Variants in ZFP64 observed in about 807,000 individuals in gnomAD.
The protein encoded by ZFP64 is zinc finger protein 64.
ZFP64 carries 14 observed loss-of-function variants against 51.6 expected under a neutral mutation model. The ratio of observed to expected loss-of-function variants is 0.27; its 90% CI spans 0.18 to 0.42. The LOEUF is 0.42. Ranked by LOEUF, ZFP64 falls within the 10% of genes least tolerant of loss-of-function variation. ZFP64 has a pLI of 1.00. For missense variants in ZFP64, 754 were observed against 906.8 expected (o/e 0.83, Z 2.16); for synonymous variants, 375 against 361.4 (o/e 1.04, Z -0.43).
At chr20:52,131,378 A>G (rs1261806882) in intron 5 of ZFP64, among the ~76,000 whole-genome samples, 2 of 152,222 alleles carry the variant, frequency 1.3e-5, no homozygotes, top group East Asian at 1.9e-4. Context: ...CTTAACAATA[A>G]TATAACATTG....
intron 5 of ZFP64, among the ~76,000 whole-genome samples, chr20:52,133,610 A>C (rs778653501): frequency 1.7e-4 from 26 of 152,228 alleles, no homozygotes; most frequent in Non-Finnish European, 1.0e-4. Context: ...TATCATTTAC[A>C]ATAGCCACAC....
chr20:52,144,703 C>T (rs996865150), intron 5 of ZFP64, among the ~76,000 whole-genome samples: 3 of 150,822 alleles, frequency 2.0e-5, no homozygotes, highest in Admixed American at 6.6e-5. Flanking sequence ...TAAGTAAACC[C>T]TTAGCATACT....
chr20:52,150,797 G>A (rs1412957231), downstream of ZFP64, among the ~76,000 whole-genome samples: 1 of 152,120 alleles, frequency 6.6e-6, no homozygotes, highest in Non-Finnish European at 1.5e-5. Flanking sequence ...TTACAGAATG[G>A]CTTAAGGTAC....
chr20:52,157,485 A>G (rs998654579), intron 5 of ZFP64, among the ~76,000 whole-genome samples: 4 of 152,152 alleles, frequency 2.6e-5, no homozygotes, highest in Non-Finnish European at 4.4e-5. Context: ...CTTTTTCAGA[A>G]GTAGCTTAGG....
chr20:52,168,010 CTT>C (rs1982423776), intron 2 of ZFP64, among the ~76,000 whole-genome samples: 1 of 152,140 alleles, frequency 6.6e-6, no homozygotes, highest in African/African-American at 2.4e-5. Context: ...TATGACAACT[CTT>C]TCTTTTTTTA....
chr20:52,190,711 T>C (rs1174598890), intron 1 of ZFP64, among the ~76,000 whole-genome samples: 1 of 152,134 alleles, frequency 6.6e-6, no homozygotes. Context: ...ATGCAAGGAA[T>C]ACACCGCCAA....
At chr20:52,173,101 C>G (rs186513923) in intron 2 of ZFP64, among the ~76,000 whole-genome samples, 1 of 152,134 alleles carries the variant, frequency 6.6e-6, no homozygotes, top group African/African-American at 2.4e-5. Context: ...TCCTTTTCTA[C>G]CAAATTGCCT....
chr20:52,101,581 T>G, intron 5 of ZFP64, among the ~76,000 whole-genome samples: 1 of 152,216 alleles, frequency 6.6e-6, no homozygotes, highest in East Asian at 1.9e-4. Context: ...TTTTGTAGTT[T>G]TGTTTTTATA....
In ZFP64 at chr20:52,131,200, G is replaced by A. The variant is rs577425701; in HGVS notation, c.763+28923C>T. ...AAAAGAAAGGGAGGAGGGAAGGAAA[G>A]GAAAGAAGAAAAAGAAGAAAGGAAA... is the stretch of plus-strand genomic sequence containing the variant. On this transcript the variant is annotated intron_variant, in intron 5 of 8. Coordinates refer to the ZFP64 transcript ENST00000361387. 4.7e-5 allele frequency among the ~76,000 whole-genome samples: 7 copies of A among 147,464 alleles called. No homozygotes were observed. In the South Asian group the frequency reaches 1.5e-3, roughly 32 times the overall value.
At chr20:52,150,024 T>C (rs999787127), downstream of ZFP64, among the ~76,000 whole-genome samples, 8 of 152,042 alleles carry the variant, frequency 5.3e-5, no homozygotes, top group Admixed American at 1.3e-4. Context: ...CTGGCTACGG[T>C]GAAACCCTGT....
rs1041180122 is a variant in ZFP64, at chr20:52,191,476, T to C, written c.46+115A>G. 3 of 1,270,544 alleles carry C rather than the reference T, an allele frequency of 2.4e-6. No individual in the cohort carries two copies. The highest frequency in any genetic ancestry group is 3.0e-6 in the Non-Finnish European group (3 of 986,208). The allele number at this position is 1,270,544 out of a possible 1,614,324, so 78.7% of individuals were successfully genotyped here. A position where few individuals can be genotyped will look rare whatever the true frequency, so the allele number is the denominator to read the frequency against. ...GTCCCCGAGACGCGGCTCCGAGCCG[T>C]CACCCCGATTTCGGGGCCCCGGGCC... On this transcript the variant is annotated intron_variant, in intron 1 of 5. Transcript: ENST00000216923. The surrounding 1 kb of genome is among the most constrained non-coding windows in gnomAD (Gnocchi z 4.3).
chr20:52,191,276 T>C lies in ZFP64; in HGVS notation c.46+315A>G, dbSNP rs1368445597. Among the ~76,000 whole-genome samples the C allele has an allele frequency of 6.6e-6, 1 of 152,142 alleles. No homozygotes were observed. The highest frequency in any genetic ancestry group is 2.4e-5 in the African/African-American group (1 of 41,448). ...TCTCCTGCCCGCCCCAAACTCCGCC[T>C]GATGGGGCGGGAATGCCCTTAGGGG... is the stretch of plus-strand genomic sequence containing the variant. On this transcript the variant is annotated intron_variant, in intron 1 of 5. Transcript: ENST00000216923. This position sits in a 1 kb window ranked among gnomAD's most constrained non-coding sequence, Gnocchi z 4.3.
intron 5 of ZFP64, among the ~76,000 whole-genome samples, chr20:52,102,480 A>C (rs2079063641): frequency 6.6e-6 from 1 of 152,186 alleles, no homozygotes; most frequent in African/African-American, 2.4e-5. Context: ...GGAAGTTTTC[A>C]GCTCATTGGA....
At chr20:52,096,827 C>T (rs540050377) in intron 7 of ZFP64, 9 of 256,868 alleles carry the variant, frequency 3.5e-5, no homozygotes, top group African/African-American at 1.5e-4. Context: ...AGGCAGGGGT[C>T]GCAATGAACT....
rs1003954895 is a variant in ZFP64 at position 52,191,274 on chromosome 20, C to T, written c.46+317G>A. On this transcript the variant is annotated intron_variant, in intron 1 of 5. Coordinates refer to ENST00000216923, the MANE Select transcript of ZFP64 (RefSeq NM_018197.3). The surrounding 1 kb of genome is among the most constrained non-coding windows in gnomAD (Gnocchi z 4.3). ...TTTCTCCTGCCCGCCCCAAACTCCG[C>T]CTGATGGGGCGGGAATGCCCTTAGG... is the stretch of plus-strand genomic sequence containing the variant. Among the ~76,000 whole-genome samples the T allele has an allele frequency of 1.3e-5, 2 of 152,208 alleles. No individual in the cohort carries two copies. The highest frequency in any genetic ancestry group is 3.9e-4 in the East Asian group (2 of 5,164).
At chr20:52,167,917 T>C (rs373126359) in intron 2 of ZFP64, among the ~76,000 whole-genome samples, 9 of 152,344 alleles carry the variant, frequency 5.9e-5, no homozygotes, top group African/African-American at 2.2e-4. Context: ...TTAAACACTA[T>C]ATTTCTTTGA....
At chr20:52,136,496 G>T (rs954089087) in intron 5 of ZFP64, among the ~76,000 whole-genome samples, 4 of 152,008 alleles carry the variant, frequency 2.6e-5, no homozygotes, top group African/African-American at 7.2e-5. Context: ...AATACAACTT[G>T]TATTTCTATA....
Position 52,102,043 on chromosome 20 carries a change from C to T in ZFP64, c.764-3456G>A, listed in dbSNP as rs758732464. On this transcript the variant is annotated intron_variant, in intron 5 of 8. Coordinates refer to the ZFP64 transcript ENST00000361387. ...AGGAGAATCGCTTGAACCTGTGGGG[C>T]AGAGGTTGCAGTGAGCCCAGATCGT... 2.1e-5 allele frequency among the ~76,000 whole-genome samples: 3 copies of T among 143,062 alleles called. No individual in the cohort carries two copies. In the South Asian group the frequency reaches 6.6e-4, roughly 31 times the overall value. The allele number at this position is 143,062 out of a possible 152,430, so 93.9% of individuals were successfully genotyped here.
intron 2 of ZFP64, among the ~76,000 whole-genome samples, chr20:52,185,859 G>C (rs1488602252): frequency 6.6e-6 from 1 of 151,996 alleles, no homozygotes; most frequent in African/African-American, 2.4e-5. Context: ...GGGATTACAG[G>C]CATGAGCCAC....
Sources: gnomAD v4.1 joint callset for allele counts (sites outside exome capture counted in the v4.1 genomes callset) on GRCh38, gnomAD v4.1.1 for gene constraint, Gnocchi (gnomAD v3.1) non-coding constraint, MANE v1.5 for transcripts, NCBI Gene and HGNC (gene_info 2026-07-23, HGNC 2026-07-21) for gene names.